Variants in CTXND1 observed in about 807,000 individuals in gnomAD.
CTXND1 encodes cortexin domain containing 1.
rs186624829 is a variant in CTXND1 at position 80,243,414 on chromosome 15, A to C, written c.-218+8593T>G. On this transcript the variant is annotated intron_variant, in intron 1 of 2. Coordinates refer to ENST00000560778, the MANE Select transcript of CTXND1 (RefSeq NM_001352888.2). ...CTGGGTCAGGCCCCAAGAGCCCTAA[A>C]AGGGAAGGCATGACGGCCACTCACG... Among the ~76,000 whole-genome samples, 29 of 152,228 alleles carry C rather than the reference A, an allele frequency of 1.9e-4. No individual in the cohort carries two copies. In the East Asian group the frequency reaches 5.2e-3, roughly 27 times the overall value.
intron 1 of CTXND1, among the ~76,000 whole-genome samples, chr15:80,248,152 C>T (rs185407671): frequency 7.2e-4 from 110 of 152,346 alleles, no homozygotes; most frequent in African/African-American, 2.3e-3. Flanking sequence ...GCCTAGACTA[C>T]GCCCTCTCAC....
chr15:80,224,203 A>G (rs1447160372), intron 1 of CTXND1, among the ~76,000 whole-genome samples: 3 of 151,906 alleles, frequency 2.0e-5, no homozygotes, highest in African/African-American at 7.3e-5. Flanking sequence ...ATGCAAGTGA[A>G]GAAGACTTTC....
At chr15:80,202,155 G>A (rs1386657880) in intron 2 of CTXND1, 141 bp from the exon 3 acceptor site, 1 of 384,694 alleles carries the variant, frequency 2.6e-6, no homozygotes, top group Non-Finnish European at 4.6e-6. Context: ...CAGGAGGGTA[G>A]GAGGGGATGG....
intron 1 of CTXND1, among the ~76,000 whole-genome samples, chr15:80,237,041 T>TA (rs940886052): frequency 5.9e-5 from 9 of 151,840 alleles, no homozygotes; most frequent in Admixed American, 2.6e-4. Flanking sequence ...TTCTGTTTAT[T>TA]AAAAAAACAG....
chr15:80,209,881 G>C (rs1893188016), intron 1 of CTXND1, among the ~76,000 whole-genome samples: 1 of 152,162 alleles, frequency 6.6e-6, no homozygotes, highest in Admixed American at 6.5e-5. Context: ...GCCTAATTTA[G>C]ACTCACATGT....
intron 1 of CTXND1, among the ~76,000 whole-genome samples, chr15:80,215,423 A>G (rs1372333607): frequency 6.6e-5 from 10 of 152,200 alleles, no homozygotes; most frequent in Non-Finnish European, 1.2e-4. Flanking sequence ...ATTTATGACC[A>G]AAGAGCCGGT....
Position 80,219,446 on chromosome 15 carries a change from C to T in CTXND1, c.-217-15706G>A, listed in dbSNP as rs1488353691. 3.3e-5 allele frequency among the ~76,000 whole-genome samples: 5 copies of T among 152,226 alleles called. No homozygotes were observed. The East Asian group carries it at 9.6e-4, about 29-fold the overall frequency. On this transcript the variant is annotated intron_variant, in intron 1 of 2. Transcript: ENST00000560778. ...GCTCATTTCTTCTCCAACTAATGGGCTTTTATGTTATTTCAAAATTTTAAA... is the reference window on the plus strand; with the variant it reads ...GCTCATTTCTTCTCCAACTAATGGGTTTTTATGTTATTTCAAAATTTTAAA...
At position 80,200,933 on chromosome 15, in the gene CTXND1, G is replaced by A. The variant is rs2041445878; in HGVS notation, c.*837C>T. The A allele has an allele frequency of 1.3e-5, 2 of 152,282 alleles. No homozygotes were observed. Among genetic ancestry groups the A allele is most frequent in the South Asian group, 4.1e-4 (2 of 4,824 alleles). The allele number at this position is 152,282 out of a possible 1,614,324, so 9.4% of individuals were successfully genotyped here. A position where few individuals can be genotyped will look rare whatever the true frequency, so the allele number is the denominator to read the frequency against. ...GGGATGCCCTTCGGTCACTAAAACT[G>A]GCAGCTAAGAAGAGTGTTTGATGTA... On this transcript the variant is annotated 3_prime_UTR_variant, in exon 3 of 3. Coordinates refer to ENST00000560778, the MANE Select transcript of CTXND1 (RefSeq NM_001352888.2).
At chr15:80,246,344 T>C (rs185252952) in intron 1 of CTXND1, among the ~76,000 whole-genome samples, 1 of 152,342 alleles carries the variant, frequency 6.6e-6, no homozygotes, top group East Asian at 1.9e-4. Flanking sequence ...TGGACTTTTG[T>C]TGTGGAAGAG....
chr15:80,248,712 G>A (rs1236318796), intron 1 of CTXND1, among the ~76,000 whole-genome samples: 1 of 152,168 alleles, frequency 6.6e-6, no homozygotes, highest in Non-Finnish European at 1.5e-5. Flanking sequence ...TAGCCGGAGG[G>A]AACTGGATGT....
intron 2 of CTXND1, among the ~76,000 whole-genome samples, chr15:80,202,413 G>T (rs200845537): frequency 1.3e-5 from 2 of 152,172 alleles, no homozygotes; most frequent in East Asian, 3.8e-4. Context: ...CTATCTGAGG[G>T]TGATCTGAAA....
At chr15:80,249,353 G>A (rs538550968) in intron 1 of CTXND1, among the ~76,000 whole-genome samples, 6 of 152,224 alleles carry the variant, frequency 3.9e-5, no homozygotes, top group South Asian at 4.1e-4. Flanking sequence ...GGATTCTAAC[G>A]GGACAAGGGC....
chr15:80,240,861 G>A (rs988350728), intron 1 of CTXND1, among the ~76,000 whole-genome samples: 3 of 152,088 alleles, frequency 2.0e-5, no homozygotes, highest in Admixed American at 6.5e-5. Flanking sequence ...CAAAGCATCC[G>A]GATATCCTGG....
chr15:80,227,340 T>A (rs1265081502), intron 1 of CTXND1, among the ~76,000 whole-genome samples: 1 of 152,228 alleles, frequency 6.6e-6, no homozygotes, highest in East Asian at 1.9e-4. Context: ...CTTAAAAGTC[T>A]CTTTTCAGTT....
chr15:80,230,735 AT>A (rs1893418692), intron 1 of CTXND1, among the ~76,000 whole-genome samples: 1 of 152,148 alleles, frequency 6.6e-6, no homozygotes, highest in South Asian at 2.1e-4. Flanking sequence ...AAGTATGGGT[AT>A]TTAAAAGTAT....
At chr15:80,241,312 C>T (rs989216149) in intron 1 of CTXND1, among the ~76,000 whole-genome samples, 1 of 152,126 alleles carries the variant, frequency 6.6e-6, no homozygotes, top group Non-Finnish European at 1.5e-5. Flanking sequence ...TTCCTGCCTC[C>T]TGTTCCTTCT....
rs189032287 is a variant in CTXND1, at chr15:80,210,645, T to A, written c.-217-6905A>T. The stretch of plus-strand genomic sequence containing the variant: ...CACCAGCTTAAGGCCATCCCTTGCC[T>A]GAACACTTCAGAATCAGCAGCCTCG... On this transcript the variant is annotated intron_variant, in intron 1 of 2. Transcript: ENST00000560778. Among the ~76,000 whole-genome samples, 30 of 152,346 alleles carry A rather than the reference T, an allele frequency of 2.0e-4. No homozygotes were observed. The South Asian group carries it at 5.6e-3, about 28-fold the overall frequency.
At chr15:80,245,692 G>A (rs988553186) in intron 1 of CTXND1, among the ~76,000 whole-genome samples, 2 of 152,168 alleles carry the variant, frequency 1.3e-5, no homozygotes, top group Admixed American at 6.5e-5. Flanking sequence ...ACTTGTGGAC[G>A]TATTTTAAAG....
At position 80,217,721 on chromosome 15, in the gene CTXND1, A is replaced by AT. The variant is rs200581056; in HGVS notation, c.-217-13982dup. ...ACCACCATACCGGGCTAATTCTTGTATTTTTTATAGAGTCAAGGTTTCACC... is the reference window on the plus strand; with the variant it reads ...ACCACCATACCGGGCTAATTCTTGTATTTTTTTATAGAGTCAAGGTTTCACC... On this transcript the variant is annotated intron_variant, in intron 1 of 2. Transcript: ENST00000560778. 3.7e-3 allele frequency among the ~76,000 whole-genome samples: 558 copies of AT among 151,872 alleles called. 6 individuals carry two copies. The highest frequency in any genetic ancestry group is 0.013 in the African/African-American group (535 of 41,422).
Sources: gnomAD v4.1 joint callset for allele counts (sites outside exome capture counted in the v4.1 genomes callset) on GRCh38, gnomAD v4.1.1 for gene constraint, MANE v1.5 for transcripts, NCBI Gene and HGNC (gene_info 2026-07-23, HGNC 2026-07-21) for gene names.